The following RIMS2 variants were observed in gnomAD, a reference collection of about 807,000 sequenced individuals.
RIMS2 encodes the protein regulating synaptic membrane exocytosis protein 2.
In RIMS2, 59 loss-of-function variants were observed where a neutral mutation model predicts 174.4. The observed-to-expected ratio is 0.34, with a 90% confidence interval of 0.27 to 0.42. The LOEUF (loss-of-function observed/expected upper bound fraction) is 0.42, where lower values mean the gene tolerates loss of function less well. Ranked by LOEUF, RIMS2 falls within the 10% of genes least tolerant of loss-of-function variation. The pLI is 1.00. For missense variants in RIMS2, 1,620 were observed against 1,666.3 expected (o/e 0.97, Z 0.48); for synonymous variants, 606 against 572.5 (o/e 1.06, Z -0.84).
chr8:103,679,989 G>A (rs1034622085), intron 1 of RIMS2, among the ~76,000 whole-genome samples: 25 of 152,062 alleles, frequency 1.6e-4, no homozygotes, highest in African/African-American at 5.8e-4. Context: ...GCAGAGTTGA[G>A]TAGTGACAGA....
intron 19 of RIMS2, among the ~76,000 whole-genome samples, chr8:104,239,311 T>C (rs550660385): frequency 1.3e-5 from 2 of 152,332 alleles, no homozygotes; most frequent in South Asian, 4.1e-4. Context: ...TCATTCAGAC[T>C]AAGCAGGGCA....
At chr8:103,585,951 A>G (rs1211802588) in intron 1 of RIMS2, among the ~76,000 whole-genome samples, 1 of 152,002 alleles carries the variant, frequency 6.6e-6, no homozygotes, top group African/African-American at 2.4e-5. Context: ...CCCTATTCAT[A>G]TATCAAGCAA....
chr8:103,687,270 A>G (rs1485070854), intron 1 of RIMS2, among the ~76,000 whole-genome samples: 2 of 152,060 alleles, frequency 1.3e-5, no homozygotes, highest in Non-Finnish European at 2.9e-5. Context: ...ATTTAGATTA[A>G]TAGTGAGTTC....
At position 103,919,756 on chromosome 8, in the gene RIMS2, C is replaced by T. The variant is rs147868797; in HGVS notation, c.2083+1269C>T. On this transcript the variant is annotated intron_variant, in intron 9 of 23. Transcript: ENST00000504942. The stretch of plus-strand genomic sequence containing the variant: ...CAGAGTAGTCCTTTGAATGCCATAG[C>T]TCTATACTTTACAATATGGTCCCAT... Among the ~76,000 whole-genome samples the T allele has an allele frequency of 6.7e-3, 1,026 of 152,172 alleles. 10 individuals are homozygous for T. Among genetic ancestry groups the T allele is most frequent in the Middle Eastern group, 0.031 (9 of 294 alleles).
At chr8:104,138,252 C>T (rs868654130) in intron 19 of RIMS2, among the ~76,000 whole-genome samples, 2 of 152,108 alleles carry the variant, frequency 1.3e-5, no homozygotes, top group Non-Finnish European at 2.9e-5. Context: ...CTGCAATAAC[C>T]ATGAGAATGC....
chr8:103,827,659 A>T (rs765536832), intron 3 of RIMS2, among the ~76,000 whole-genome samples: 3 of 152,080 alleles, frequency 2.0e-5, no homozygotes, highest in Admixed American at 6.5e-5. Flanking sequence ...ACATGGTGAA[A>T]CTCTGTTTCT....
intron 11 of RIMS2, chr8:103,927,992 C>A: frequency 1.2e-6 from 1 of 821,804 alleles, no homozygotes; most frequent in East Asian, 2.8e-5. Flanking sequence ...TTATGTTGCT[C>A]CAAATCATAT....
chr8:104,053,739 G>C (rs2096826114), intron 19 of RIMS2, among the ~76,000 whole-genome samples: 1 of 152,136 alleles, frequency 6.6e-6, no homozygotes, highest in Non-Finnish European at 1.5e-5. Flanking sequence ...CAAGCCATTT[G>C]AAGCTGGAAT....
chr8:104,140,157 A>G (rs1231543876), intron 19 of RIMS2, among the ~76,000 whole-genome samples: 1 of 152,080 alleles, frequency 6.6e-6, no homozygotes, highest in African/African-American at 2.4e-5. Context: ...TGTTGAATTC[A>G]GTTTGCTATT....
chr8:103,935,935 T>G (rs1194340824), intron 12 of RIMS2, among the ~76,000 whole-genome samples: 1 of 152,206 alleles, frequency 6.6e-6, no homozygotes, highest in Non-Finnish European at 1.5e-5. Context: ...TGCCATTTAT[T>G]GGGATGGTTA....
intron 19 of RIMS2, among the ~76,000 whole-genome samples, chr8:104,141,209 T>C (rs1468236852): frequency 3.3e-5 from 5 of 152,172 alleles, no homozygotes; most frequent in Non-Finnish European, 2.9e-5. Context: ...GAGAAACATA[T>C]GATCTATAAA....
At chr8:104,249,703 T>C (rs1564001642) in intron 22 of RIMS2, 115 bp downstream of exon 28, 1 of 637,234 alleles carries the variant, frequency 1.6e-6, no homozygotes, top group Non-Finnish European at 2.8e-6. Context: ...TAATGGATGG[T>C]CCATTATGAC....
chr8:103,917,700 G>A (rs1160806041), intron 8 of RIMS2, among the ~76,000 whole-genome samples: 1 of 152,016 alleles, frequency 6.6e-6, no homozygotes, highest in African/African-American at 2.4e-5. Context: ...AAACATGTTT[G>A]CCTTTTTCTC....
chr8:104,245,117 GC>G (rs1290440895), intron 20 of RIMS2, 60 bp downstream of exon 26: 1 of 1,533,834 alleles, frequency 6.5e-7, no homozygotes, highest in Non-Finnish European at 8.9e-7. Context: ...CACTCTATGT[GC>G]TTTCACAGAG....
At chr8:103,783,394 A>G (rs1322968520) in intron 3 of RIMS2, among the ~76,000 whole-genome samples, 4 of 149,720 alleles carry the variant, frequency 2.7e-5, no homozygotes, top group Non-Finnish European at 4.4e-5. Context: ...AGCATTAGGT[A>G]TATCTCCCAA....
intron 2 of RIMS2, among the ~76,000 whole-genome samples, chr8:103,698,707 G>A (rs1410785418): frequency 6.6e-6 from 1 of 152,118 alleles, no homozygotes. Context: ...CTGGGCTCAA[G>A]TGTTCCTCCT....
chr8:103,654,562 T>C (rs2096499333), intron 1 of RIMS2, among the ~76,000 whole-genome samples: 1 of 151,990 alleles, frequency 6.6e-6, no homozygotes, highest in Non-Finnish European at 1.5e-5. Context: ...TCTTACATTC[T>C]TGTTACATTG....
At chr8:104,059,748 A>G (rs2096943068) in intron 19 of RIMS2, among the ~76,000 whole-genome samples, 1 of 151,772 alleles carries the variant, frequency 6.6e-6, no homozygotes, top group Non-Finnish European at 1.5e-5. Context: ...CGTCCCATCA[A>G]TACCTAATTT....
At chr8:103,988,921 G>A (rs1395986454) in intron 16 of RIMS2, among the ~76,000 whole-genome samples, 2 of 152,164 alleles carry the variant, frequency 1.3e-5, no homozygotes, top group African/African-American at 4.8e-5. Context: ...TATAGGTCAT[G>A]TATGCAAATG....
Sources: gnomAD v4.1 joint callset for allele counts (sites outside exome capture counted in the v4.1 genomes callset) on GRCh38, gnomAD v4.1.1 for gene constraint, MANE v1.5 for transcripts, NCBI Gene and HGNC (gene_info 2026-07-23, HGNC 2026-07-21) for gene names.